APTX: variants seen among roughly 807,000 people sequenced by gnomAD.
APTX encodes the protein forkhead-associated domain histidine triad-like protein.
In APTX, 33 loss-of-function variants were observed where a neutral mutation model predicts 42.3. That is an observed-to-expected ratio of 0.78 (90% confidence interval 0.59 to 1.04). The LOEUF is 1.04. Ranked by LOEUF, APTX falls within the 50% of genes least tolerant of loss-of-function variation. APTX has a pLI of 0.00. For synonymous variants in APTX, 130 were observed against 146.7 expected (o/e 0.89, Z 0.82); for missense variants, 421 against 415.1 (o/e 1.01, Z -0.12).
chr9:32,986,037 AAAAAACAAAAAAAAAAAC>A lies in APTX; in HGVS notation c.484-25_484-8del, dbSNP rs769850475. 331 of 654,052 alleles carry A rather than the reference AAAAAACAAAAAAAAAAAC, an allele frequency of 5.1e-4. No homozygotes were observed. The highest frequency in any genetic ancestry group is 1.1e-3 in the African/African-American group (42 of 38,116). 40.5% of individuals were successfully genotyped at this position (654,052 alleles called of 1,614,324 possible). On this transcript the variant is annotated splice_polypyrimidine_tract_variant and splice_region_variant and intron_variant, in intron 4 of 7. Coordinates refer to ENST00000379817, the MANE Select transcript of APTX (RefSeq NM_001195248.2). ...TCCAGTGGCCCAGGGATTCCTAAAA[AAAAAACAAAAAAAAAAAC>A]AAAAAAAAAAAAAAACAAGCAATGT...
At chr9:32,988,023 T>C (rs1832612071) in intron 3 of APTX, 60 bp downstream of exon 3, 9 of 1,578,390 alleles carry the variant, frequency 5.7e-6, no homozygotes, top group Non-Finnish European at 7.0e-6. Flanking sequence ...ACAGACACTC[T>C]AAAGTCAACA....
intron 1 of APTX, among the ~76,000 whole-genome samples, chr9:32,991,063 A>G (rs1039559591): frequency 1.9e-4 from 29 of 151,806 alleles, no homozygotes; most frequent in African/African-American, 7.0e-4. Flanking sequence ...AGTAGCTGGG[A>G]TTATGGGCAT....
chr9:32,990,317 C>G (rs905320187), intron 1 of APTX, among the ~76,000 whole-genome samples: 9 of 152,142 alleles, frequency 5.9e-5, no homozygotes, highest in Non-Finnish European at 1.2e-4. Flanking sequence ...GGATTACAGG[C>G]ACCCGCCACC....
intron 6 of APTX, among the ~76,000 whole-genome samples, chr9:32,976,984 A>G (rs1829572179): frequency 6.6e-6 from 1 of 152,232 alleles, no homozygotes; most frequent in South Asian, 2.1e-4. Flanking sequence ...ATATTTGTTA[A>G]ACCTAAAATT....
At chr9:33,010,039 T>C (rs1486988579) in intron 1 of APTX, among the ~76,000 whole-genome samples, 1 of 152,172 alleles carries the variant, frequency 6.6e-6, no homozygotes, top group African/African-American at 2.4e-5. Context: ...GAGTCCTGGG[T>C]TGAAACTTAG....
At chr9:32,975,973 G>A (rs192938413) in intron 6 of APTX, among the ~76,000 whole-genome samples, 1 of 152,210 alleles carries the variant, frequency 6.6e-6, no homozygotes, top group African/African-American at 2.4e-5. Context: ...CTGCAGCAGT[G>A]GCCTGTAAGT....
chr9:33,019,862 C>A, intron 1 of APTX: 1 of 644,276 alleles, frequency 1.6e-6, no homozygotes, highest in Non-Finnish European at 2.8e-6. Context: ...CCCAACCACC[C>A]TTTGGTGGGG....
chr9:33,004,612 T>C (rs1836989969), upstream of APTX, among the ~76,000 whole-genome samples: 1 of 150,432 alleles, frequency 6.6e-6, no homozygotes, highest in Non-Finnish European at 1.5e-5. Context: ...TTCCAATTTC[T>C]CCACATTCTT....
chr9:32,987,598 G>A lies in APTX; in HGVS notation c.429C>T (p.Asn143=), dbSNP rs767653926. 1.9e-5 allele frequency: 31 copies of A among 1,614,028 alleles called. No homozygotes were observed. Among genetic ancestry groups the A allele is most frequent in the Non-Finnish European group, 2.5e-5 (29 of 1,180,040 alleles). The change falls in exon 4 of 8, where the codon AAC becomes AAT. Residue 143 remains asparagine (N), a synonymous_variant. Coordinates refer to ENST00000379817, the MANE Select transcript of APTX (RefSeq NM_001195248.2). ...EAGTGLEPGS[N]SGQCSVPLKK... ...TTAGGGGCACAGAGCATTGGCCAGAGTTGCTCCCAGGTTCCAGCCCTGTCC... is the reference window on the plus strand; with the variant it reads ...TTAGGGGCACAGAGCATTGGCCAGAATTGCTCCCAGGTTCCAGCCCTGTCC...
chr9:32,973,709 A>C, intron 7 of APTX, 57 bp from the exon 8 acceptor site: 1 of 1,443,510 alleles, frequency 6.9e-7, no homozygotes. Flanking sequence ...AATATGAGAT[A>C]CCAAAAAAAA....
chr9:32,992,763 G>A (rs1293346187), intron 1 of APTX, among the ~76,000 whole-genome samples: 5 of 152,236 alleles, frequency 3.3e-5, no homozygotes, highest in African/African-American at 9.6e-5. Flanking sequence ...TCCAGAGTCA[G>A]AGATTAGTGA....
rs1587489646 is a variant in APTX, at chr9:32,989,673, C to T, written c.133+86G>A. 5.0e-6 allele frequency: 8 copies of T among 1,600,736 alleles called. No individual in the cohort carries two copies. In the East Asian group the frequency reaches 1.3e-4, roughly 27 times the overall value. On this transcript the variant is annotated intron_variant, in intron 2 of 7. Coordinates refer to ENST00000379817, the MANE Select transcript of APTX (RefSeq NM_001195248.2). ...TATTTTTGGCAGACAATAGATTTTC[C>T]ATCAAGATCACCCAGAAAATATGCA...
chr9:33,004,412 A>G (rs775657504), upstream of APTX, among the ~76,000 whole-genome samples: 35 of 152,234 alleles, frequency 2.3e-4, no homozygotes, highest in Admixed American at 4.6e-4. Flanking sequence ...TTGTACCCCT[A>G]AAGCCACTGA....
intron 1 of APTX, among the ~76,000 whole-genome samples, chr9:33,019,160 A>G (rs1838156828): frequency 6.6e-6 from 1 of 152,226 alleles, no homozygotes; most frequent in Non-Finnish European, 1.5e-5. Flanking sequence ...GCGGAATAAC[A>G]GGAACTCTAC....
rs146175086 is a variant in APTX at position 33,012,305 on chromosome 9, C to T, written c.-5+12718G>A. Among the ~76,000 whole-genome samples, 756 of 152,048 alleles carry T rather than the reference C, an allele frequency of 5.0e-3. 9 individuals carry two copies. Among genetic ancestry groups the T allele is most frequent in the African/African-American group, 0.017 (722 of 41,456 alleles). The stretch of plus-strand genomic sequence containing the variant: ...TACATGATTAAAGAAAAAAAAAGAA[C>T]GCAAAATTTTTTAGAAAATGTATAC... On this transcript the variant is annotated intron_variant, in intron 1 of 6. Transcript: ENST00000436040.
chr9:33,006,950 A>G (rs12550901), intron 1 of APTX, among the ~76,000 whole-genome samples: 28,752 of 139,548 alleles, frequency 0.21, 3,053 homozygotes, highest in Middle Eastern at 0.3. Context: ...CAGTAAGCCT[A>G]GATTGCGCCA....
chr9:33,004,842 A>G (rs1369083542), upstream of APTX, among the ~76,000 whole-genome samples: 1 of 150,774 alleles, frequency 6.6e-6, no homozygotes. Context: ...GGGTTTCACC[A>G]TATTGGCCAG....
intron 6 of APTX, among the ~76,000 whole-genome samples, chr9:32,983,102 A>T (rs989632532): frequency 6.6e-6 from 1 of 151,958 alleles, no homozygotes; most frequent in Non-Finnish European, 1.5e-5. Flanking sequence ...CCCTTGGCTA[A>T]TTTTTTGTAT....
upstream of APTX, among the ~76,000 whole-genome samples, chr9:33,001,866 T>C (rs1836632463): frequency 6.6e-6 from 1 of 152,212 alleles, no homozygotes; most frequent in African/African-American, 2.4e-5. Context: ...AGTCTCTGAA[T>C]TGGGTGACAT....
Sources: allele counts gnomAD v4.1 joint callset (sites outside exome capture counted in the v4.1 genomes callset), GRCh38; gene constraint gnomAD v4.1.1; transcripts MANE v1.5; gene names NCBI Gene and HGNC (gene_info 2026-07-23, HGNC 2026-07-21).